Variants in NID2 observed in about 807,000 individuals in gnomAD.
NID2 encodes nidogen-2.
Under a neutral mutation model 145.4 loss-of-function variants are expected in NID2, and 83 were observed. The ratio of observed to expected loss-of-function variants is 0.57; its 90% confidence interval spans 0.48 to 0.69. NID2 has a LOEUF of 0.69. Ranked by LOEUF, NID2 falls within the 30% of genes least tolerant of loss-of-function variation. The pLI is 0.00. For synonymous variants in NID2, 739 were observed against 701.3 expected (o/e 1.05, Z -0.85); for missense variants, 1,807 against 1,765.7 (o/e 1.02, Z -0.42).
intron 12 of NID2, among the ~76,000 whole-genome samples, chr14:52,020,627 G>A (rs933461512): frequency 2.4e-4 from 37 of 152,084 alleles, no homozygotes; most frequent in African/African-American, 7.5e-4. Context: ...ACATTCGTCT[G>A]TAGATGCAAA....
chr14:52,026,291 A>G (rs896398981), intron 12 of NID2, among the ~76,000 whole-genome samples: 2 of 152,242 alleles, frequency 1.3e-5, no homozygotes, highest in Admixed American at 1.3e-4. Flanking sequence ...TTCTTAGCAC[A>G]TCAGCTCGGT....
At chr14:52,044,384 C>G (rs11851036) in intron 5 of NID2, among the ~76,000 whole-genome samples, 41,636 of 148,290 alleles carry the variant, frequency 0.28, 6,135 homozygotes, top group East Asian at 0.51. Context: ...ATTCTCTTGC[C>G]TCAGCCTCCT....
chr14:52,038,478 C>T (rs1293001755), intron 9 of NID2, among the ~76,000 whole-genome samples: 1 of 152,198 alleles, frequency 6.6e-6, no homozygotes, highest in Non-Finnish European at 1.5e-5. Context: ...CAGGTATATT[C>T]CTGATTGGCA....
At chr14:52,043,407 C>T (rs993837851) in intron 5 of NID2, among the ~76,000 whole-genome samples, 1 of 152,176 alleles carries the variant, frequency 6.6e-6, no homozygotes, top group Non-Finnish European at 1.5e-5. Flanking sequence ...TAGCTGGTCT[C>T]GCTACCAAGA....
Position 52,066,294 on chromosome 14 carries a change from G to A in NID2, c.534+1564C>T, listed in dbSNP as rs374601920. Reference sequence around the variant, plus strand: ...GGCTGGGAAGGGTAGTAGGGGTCAGGGGAAGGTGGACACAGTTAACGGGTA... The same window carrying A: ...GGCTGGGAAGGGTAGTAGGGGTCAGAGGAAGGTGGACACAGTTAACGGGTA... On this transcript the variant is annotated intron_variant, in intron 2 of 21. Transcript: ENST00000216286. Among the ~76,000 whole-genome samples the A allele has an allele frequency of 4.6e-5, 7 of 151,590 alleles. No homozygotes were observed. In the East Asian group the frequency reaches 9.6e-4, roughly 21 times the overall value.
chr14:52,057,817 T>C (rs1173887005), intron 3 of NID2, among the ~76,000 whole-genome samples: 1 of 152,104 alleles, frequency 6.6e-6, no homozygotes, highest in East Asian at 1.9e-4. Context: ...TGGGTGTTCA[T>C]CTAGTTATTC....
intron 12 of NID2, among the ~76,000 whole-genome samples, chr14:52,025,410 G>C (rs1022172775): frequency 1.3e-5 from 2 of 152,172 alleles, no homozygotes; most frequent in African/African-American, 4.8e-5. Context: ...TATTCAAGAG[G>C]TCCATAGTCT....
At chr14:52,019,945 T>G in intron 13 of NID2, 114 bp downstream of exon 13, 1 of 1,420,654 alleles carries the variant, frequency 7.0e-7, no homozygotes, top group Non-Finnish European at 9.5e-7. Context: ...ATCCACAGCT[T>G]GGAAAATCCA....
intron 5 of NID2, 108 bp downstream of exon 5, chr14:52,053,471 C>A: frequency 8.2e-7 from 1 of 1,226,530 alleles, no homozygotes; most frequent in Non-Finnish European, 1.1e-6. Flanking sequence ...ATCCAATCTT[C>A]TTTTTGCTAA....
At chr14:52,038,680 T>C (rs1892162097) in intron 9 of NID2, 67 bp downstream of exon 9, 12 of 1,288,104 alleles carry the variant, frequency 9.3e-6, no homozygotes, top group Non-Finnish European at 1.3e-5. Context: ...TAGTAACCTC[T>C]GTGAATCATT....
intron 9 of NID2, among the ~76,000 whole-genome samples, chr14:52,030,214 C>A (rs550721095): frequency 2.0e-5 from 3 of 152,232 alleles, no homozygotes; most frequent in African/African-American, 7.2e-5. Flanking sequence ...TTTTAAAAAT[C>A]TTGTTTTTTA....
intron 14 of NID2, among the ~76,000 whole-genome samples, chr14:52,018,407 G>A (rs891574293): frequency 5.9e-5 from 9 of 152,148 alleles, no homozygotes; most frequent in African/African-American, 2.2e-4. Flanking sequence ...TGTTGGAATC[G>A]ACTGTGAGCA....
At chr14:52,034,845 T>A (rs963370136) in intron 9 of NID2, among the ~76,000 whole-genome samples, 3 of 152,200 alleles carry the variant, frequency 2.0e-5, no homozygotes, top group African/African-American at 7.2e-5. Context: ...GGGGAAAACA[T>A]GACCTGGTTT....
At chr14:52,021,222 GAAAA>G (rs35210822) in intron 12 of NID2, among the ~76,000 whole-genome samples, 2 of 150,784 alleles carry the variant, frequency 1.3e-5, no homozygotes, top group Non-Finnish European at 3.0e-5. Context: ...TGTGTGAATA[GAAAA>G]AAAAAAAATG....
intron 3 of NID2, 113 bp downstream of exon 3, chr14:52,060,011 T>C (rs1566775188): frequency 5.8e-6 from 4 of 692,518 alleles, no homozygotes; most frequent in Non-Finnish European, 9.2e-6. Flanking sequence ...CTTGATGCCT[T>C]ACTTAGAAGC....
chr14:52,055,824 T>C (rs1227077003), intron 3 of NID2, among the ~76,000 whole-genome samples: 2 of 152,170 alleles, frequency 1.3e-5, no homozygotes, highest in Non-Finnish European at 2.9e-5. Flanking sequence ...CTTCACTAAA[T>C]TGTATAAGAA....
intron 16 of NID2, chr14:52,014,048 A>G (rs1891124122): frequency 8.8e-6 from 5 of 570,264 alleles, no homozygotes; most frequent in South Asian, 7.8e-5. Context: ...CCCTTTCCAT[A>G]TTATCTGAAA....
At chr14:52,057,243 A>G (rs560640928) in intron 3 of NID2, among the ~76,000 whole-genome samples, 3 of 152,176 alleles carry the variant, frequency 2.0e-5, no homozygotes, top group African/African-American at 7.2e-5. Flanking sequence ...AGGTCTCGCT[A>G]TGTTGCCCAG....
At chr14:52,005,906 CAGT>C in intron 20 of NID2, 57 bp from the exon 21 acceptor site, 8 of 692,072 alleles carry the variant, frequency 1.2e-5, no homozygotes, top group Non-Finnish European at 1.5e-5. Context: ...ATAAAGAAGT[CAGT>C]CAGCCACAGA....
Sources: gnomAD v4.1 joint callset for allele counts (sites outside exome capture counted in the v4.1 genomes callset) on GRCh38, gnomAD v4.1.1 for gene constraint, MANE v1.5 for transcripts, NCBI Gene and HGNC (gene_info 2026-07-23, HGNC 2026-07-21) for gene names.